The following ZNF469 variants were observed in gnomAD, a reference collection of about 807,000 sequenced individuals.
ZNF469 encodes the protein zinc finger protein 469.
Under a neutral mutation model 1.0 loss-of-function variants are expected in ZNF469, and 1 was observed. The observed-to-expected ratio is 1.00, with a 90% confidence interval of 0.35 to 4.73. The LOEUF (loss-of-function observed/expected upper bound fraction) is 4.73. Ranked by LOEUF, ZNF469 falls within the 30% of genes most tolerant of loss-of-function variation. The pLI, the probability that ZNF469 is intolerant of heterozygous loss-of-function variation, is 0.16. For missense variants in ZNF469, 6,100 were observed against 5,356.3 expected (o/e 1.14, Z -4.33); for synonymous variants, 2,703 against 2,363.4 (o/e 1.14, Z -4.17).
the ZNF469 span, among the ~76,000 whole-genome samples, chr16:88,152,747 C>A: frequency 6.6e-6 from 1 of 152,106 alleles, no homozygotes. The surrounding 1 kb of genome is among the most constrained non-coding windows in gnomAD (Gnocchi z 4.2). Flanking sequence ...AGAAACTGTC[C>A]CTTTCTGGGA....
the ZNF469 span, among the ~76,000 whole-genome samples, chr16:88,354,435 G>A: frequency 5.9e-5 from 9 of 152,136 alleles, no homozygotes; most frequent in Admixed American, 4.6e-4. Flanking sequence ...TTACCAGCTC[G>A]TGCTCCAGAA....
At chr16:88,358,250 G>A in the ZNF469 span, among the ~76,000 whole-genome samples, 1 of 152,190 alleles carries the variant, frequency 6.6e-6, no homozygotes, top group Non-Finnish European at 1.5e-5. Context: ...GCGCCCAGGG[G>A]CTCGGACCTC....
the ZNF469 span, among the ~76,000 whole-genome samples, chr16:88,133,896 C>A: frequency 6.6e-6 from 1 of 152,286 alleles, no homozygotes; most frequent in Middle Eastern, 3.4e-3. Context: ...GAGTTCGAGA[C>A]CAGCCTGGCC....
chr16:88,324,504 G>A, the ZNF469 span, among the ~76,000 whole-genome samples: 517 of 152,328 alleles, frequency 3.4e-3, 3 homozygotes, highest in Non-Finnish European at 3.9e-3. Flanking sequence ...GGCTCAGCCC[G>A]GGAGGGTTCT....
the ZNF469 span, among the ~76,000 whole-genome samples, chr16:88,327,395 C>T: frequency 1.3e-5 from 2 of 152,256 alleles, no homozygotes; most frequent in Non-Finnish European, 2.9e-5. Flanking sequence ...CACCTGCTTC[C>T]CTGGACGAGG....
the ZNF469 span, among the ~76,000 whole-genome samples, chr16:88,338,606 C>A: frequency 6.6e-6 from 1 of 152,236 alleles, no homozygotes; most frequent in East Asian, 1.9e-4. Flanking sequence ...GCTGGGTGAA[C>A]ATTGCCCCCA....
chr16:88,431,777 C>G lies in ZNF469; in HGVS notation c.4307C>G (p.Thr1436Ser). The G allele has an allele frequency of 6.5e-7, 1 of 1,549,872 alleles. No homozygotes were observed. Among genetic ancestry groups the G allele is most frequent in the Non-Finnish European group, 8.7e-7 (1 of 1,146,942 alleles). Residue 1436 changes from threonine to serine, a missense_variant, in exon 3 of 3, where the codon ACC (threonine) becomes AGC (serine). Coordinates refer to ENST00000565624, the MANE Select transcript of ZNF469 (RefSeq NM_001367624.2). ...CAGCTGCCAAGGAGCCCACCTGGCA[C>G]CGCTGAGACGGAGCCAGGCAGGGCT... ...EPQLPRSPPG[T>S]AETEPGRAAS...
At chr16:88,197,784 G>A in the ZNF469 span, among the ~76,000 whole-genome samples, 4 of 152,322 alleles carry the variant, frequency 2.6e-5, no homozygotes, top group Admixed American at 2.6e-4. Flanking sequence ...GTGTGTGCTG[G>A]CTGCTGGTGG....
the ZNF469 span, among the ~76,000 whole-genome samples, chr16:88,258,372 C>T: frequency 6.6e-6 from 1 of 152,186 alleles, no homozygotes; most frequent in African/African-American, 2.4e-5. Context: ...GGAGGGGCCA[C>T]TCCCATGAGA....
chr16:88,114,983 T>C, the ZNF469 span, among the ~76,000 whole-genome samples: 1 of 152,256 alleles, frequency 6.6e-6, no homozygotes, highest in East Asian at 1.9e-4. Flanking sequence ...ACGATGCTTC[T>C]GGGGCCGGGG....
the ZNF469 span, among the ~76,000 whole-genome samples, chr16:88,368,072 A>C: frequency 6.6e-6 from 1 of 152,252 alleles, no homozygotes; most frequent in South Asian, 2.1e-4. Context: ...TTGCCTTCGC[A>C]TAATAGCAGC....
At chr16:88,140,473 A>AGCCGTG in the ZNF469 span, among the ~76,000 whole-genome samples, 1 of 151,356 alleles carries the variant, frequency 6.6e-6, no homozygotes, top group African/African-American at 2.5e-5. Context: ...GGTAGCACGG[A>AGCCGTG]AAGTCAGTGA....
chr16:88,373,725 G>A, the ZNF469 span, among the ~76,000 whole-genome samples: 3 of 152,192 alleles, frequency 2.0e-5, no homozygotes, highest in Admixed American at 1.3e-4. Context: ...GGCAGGGTGC[G>A]GTGGCTCACG....
chr16:88,111,528 C>G, the ZNF469 span, among the ~76,000 whole-genome samples: 3 of 148,838 alleles, frequency 2.0e-5, no homozygotes, highest in South Asian at 6.2e-4. Flanking sequence ...AACATCCCCC[C>G]CACTTCCCTT....
the ZNF469 span, among the ~76,000 whole-genome samples, chr16:88,120,197 G>A: frequency 2.6e-5 from 4 of 152,190 alleles, no homozygotes; most frequent in Non-Finnish European, 4.4e-5. Flanking sequence ...CGTGGTTGCC[G>A]AGGAGGAGAG....
At chr16:88,187,599 A>ATT in the ZNF469 span, among the ~76,000 whole-genome samples, 6 of 151,206 alleles carry the variant, frequency 4.0e-5, no homozygotes, top group African/African-American at 1.5e-4. Flanking sequence ...TTTTTTATTT[A>ATT]TTTTTTTTGA....
At chr16:88,365,451 C>T in the ZNF469 span, among the ~76,000 whole-genome samples, 1 of 152,066 alleles carries the variant, frequency 6.6e-6, no homozygotes, top group African/African-American at 2.4e-5. Context: ...TCAGAAGGGG[C>T]CAAGCACCCA....
the ZNF469 span, among the ~76,000 whole-genome samples, chr16:88,102,173 G>A: frequency 2.0e-5 from 3 of 151,528 alleles, no homozygotes; most frequent in Non-Finnish European, 2.9e-5. Context: ...CCAGTGTCCT[G>A]AGCAGGAACG....
At chr16:88,350,855 C>G in the ZNF469 span, among the ~76,000 whole-genome samples, 3 of 152,316 alleles carry the variant, frequency 2.0e-5, no homozygotes, top group East Asian at 5.8e-4. Context: ...AGATTCTCCC[C>G]AAGAGAAAAG....
Sources: gnomAD v4.1 joint callset for allele counts (sites outside exome capture counted in the v4.1 genomes callset) on GRCh38, gnomAD v4.1.1 for gene constraint, Gnocchi (gnomAD v3.1) non-coding constraint, MANE v1.5 for transcripts, NCBI Gene and HGNC (gene_info 2026-07-23, HGNC 2026-07-21) for gene names.